Variants in USH2A observed in about 807,000 individuals in gnomAD.
The protein encoded by USH2A is Usher syndrome 2A (autosomal recessive, mild).
A neutral mutation model predicts 538.9 loss-of-function variants in USH2A; 443 were observed. The ratio of observed to expected loss-of-function variants is 0.82; its 90% confidence interval spans 0.76 to 0.89. The LOEUF (loss-of-function observed/expected upper bound fraction) is 0.89. Ranked by LOEUF, USH2A falls within the 40% of genes least tolerant of loss-of-function variation. USH2A has a pLI of 0.00. For synonymous variants in USH2A, 2,413 were observed against 2,273.5 expected, an observed-to-expected ratio of 1.06 and a Z score of -1.75; for missense variants, 6,633 against 6,324.8, an observed-to-expected ratio of 1.05 and a Z score of -1.65.
chr1:216,323,794 G>A, intron 7 of USH2A, 99 bp from the exon 8 acceptor site: 1 of 1,112,166 alleles, frequency 9.0e-7, no homozygotes, highest in Non-Finnish European at 1.4e-6. Context: ...ATCAATAAAA[G>A]CTTAAATTAT....
chr1:216,218,937 T>G (rs560225180), intron 14 of USH2A, among the ~76,000 whole-genome samples: 3 of 152,128 alleles, frequency 2.0e-5, no homozygotes, highest in African/African-American at 7.2e-5. Flanking sequence ...TTTATAGGCT[T>G]TTAATATAAT....
chr1:216,216,532 A>G (rs1301770877), intron 15 of USH2A, among the ~76,000 whole-genome samples: 1 of 152,036 alleles, frequency 6.6e-6, no homozygotes. Context: ...GACTCATGAC[A>G]GTCTCAGGAC....
chr1:215,828,363 A>G (rs1663214798), intron 47 of USH2A, among the ~76,000 whole-genome samples: 1 of 152,124 alleles, frequency 6.6e-6, no homozygotes, highest in Non-Finnish European at 1.5e-5. Context: ...GAGGCTGAGG[A>G]AGTATTGCTT....
chr1:216,275,518 C>T (rs368666615), intron 11 of USH2A, among the ~76,000 whole-genome samples: 12 of 152,168 alleles, frequency 7.9e-5, no homozygotes, highest in African/African-American at 2.6e-4. Context: ...GGAACTTACA[C>T]AGGAGAATGC....
rs75931678 is a variant in USH2A, at chr1:215,692,825, C to T, written c.12067-12449G>A. ...GGGTGCAGCAACAATGAAAAGTTCCCCATCTCCTCCCCCATGCCCCAGTTG... is the reference window on the plus strand; with the variant it reads ...GGGTGCAGCAACAATGAAAAGTTCCTCATCTCCTCCCCCATGCCCCAGTTG... On this transcript the variant is annotated intron_variant, in intron 61 of 71. Transcript: ENST00000307340. 6.7e-3 allele frequency among the ~76,000 whole-genome samples: 1,023 copies of T among 152,110 alleles called. 14 individuals are homozygous for T. Among genetic ancestry groups the T allele is most frequent in the African/African-American group, 0.021 (884 of 41,494 alleles).
At chr1:216,020,122 T>C (rs1558215519) in intron 32 of USH2A, among the ~76,000 whole-genome samples, 1 of 152,202 alleles carries the variant, frequency 6.6e-6, no homozygotes, top group Non-Finnish European at 1.5e-5. Flanking sequence ...CACTTATAAG[T>C]GTTCACACTA....
At chr1:216,108,410 T>TG (rs2032788614) in intron 21 of USH2A, among the ~76,000 whole-genome samples, 1 of 151,872 alleles carries the variant, frequency 6.6e-6, no homozygotes, top group South Asian at 2.1e-4. Flanking sequence ...TAATCTTTTT[T>TG]TTTTAGTAAT....
intron 38 of USH2A, among the ~76,000 whole-genome samples, chr1:215,914,212 CT>C (rs893862029): frequency 1.0e-4 from 15 of 150,208 alleles, no homozygotes; most frequent in South Asian, 2.1e-4. Flanking sequence ...TAGCAACAGA[CT>C]TTTTTTTTCT....
rs573240009 is a variant in USH2A at position 216,276,199 on chromosome 1, A to G, written c.1971+13081T>C. The stretch of plus-strand genomic sequence containing the variant: ...CTTTACCAGCTTTGGTAAGGACTGA[A>G]TTAATGAACTACAATGCTTGGCATA... On this transcript the variant is annotated intron_variant, in intron 11 of 71. Coordinates refer to ENST00000307340, the MANE Select transcript of USH2A (RefSeq NM_206933.4). Among the ~76,000 whole-genome samples the G allele has an allele frequency of 3.3e-5, 5 of 152,292 alleles. No homozygotes were observed. In the South Asian group the frequency reaches 8.3e-4, roughly 25 times the overall value.
intron 61 of USH2A, among the ~76,000 whole-genome samples, chr1:215,721,396 C>T (rs952563545): frequency 9.9e-5 from 15 of 152,210 alleles, no homozygotes; most frequent in African/African-American, 3.4e-4. Flanking sequence ...TTTTAAAAAA[C>T]ACTTGGAATG....
intron 21 of USH2A, among the ~76,000 whole-genome samples, chr1:216,138,147 T>C (rs2033523794): frequency 6.6e-6 from 1 of 152,168 alleles, no homozygotes; most frequent in Non-Finnish European, 1.5e-5. Flanking sequence ...TAATCTCATG[T>C]TGCTACAGAT....
chr1:215,687,651 C>G (rs534703699), intron 61 of USH2A, among the ~76,000 whole-genome samples: 1 of 151,934 alleles, frequency 6.6e-6, no homozygotes, highest in Admixed American at 6.6e-5. Flanking sequence ...ATCAGTCACA[C>G]TAAATATTAA....
chr1:215,900,076 G>A lies in USH2A; in HGVS notation c.7593C>T (p.Asp2531=), dbSNP rs1665448175. Reference sequence around the variant, plus strand: ...CTGTGTATTGTTCAGACCACTTACTGTCCTCTGCGGTCATGAATGGAATCC... The same window carrying A: ...CTGTGTATTGTTCAGACCACTTACTATCCTCTGCGGTCATGAATGGAATCC... The part of the protein sequence containing the change: ...SSWIPFMTAE[D]KPGPVVPPIL... The change falls in exon 40 of 72, where the codon GAC becomes GAT. Residue 2531 remains aspartate (D), a splice_region_variant and synonymous_variant. Coordinates refer to ENST00000307340, the MANE Select transcript of USH2A (RefSeq NM_206933.4). 4 of 1,613,622 alleles carry A rather than the reference G, an allele frequency of 2.5e-6. No homozygotes were observed. Among genetic ancestry groups the A allele is most frequent in the Non-Finnish European group, 3.4e-6 (4 of 1,179,692 alleles).
rs2102666828 is a variant in USH2A, at chr1:215,675,407, G to A, written c.12504C>T (p.Ser4168=). 6.2e-7 allele frequency: 1 copy of A among 1,614,120 alleles called. No homozygotes were observed. The highest frequency in any genetic ancestry group is 8.5e-7 in the Non-Finnish European group (1 of 1,180,014). ...CAGACCAGCTCAGCTCAACACTGGT[G>A]GACTTCACAGAGTGGACAGTAGGAG... is the stretch of plus-strand genomic sequence containing the variant. The part of the protein sequence containing the change: ...QLAPTVHSVK[S]TSVELSWSEP... Residue 4168 remains serine (S), a synonymous_variant, in exon 63 of 72, where the codon TCC becomes TCT. Transcript: ENST00000307340.
chr1:216,386,386 A>G (rs1480473403), intron 3 of USH2A, among the ~76,000 whole-genome samples: 1 of 150,958 alleles, frequency 6.6e-6, no homozygotes, highest in African/African-American at 2.4e-5. Flanking sequence ...AGTCCAAGCT[A>G]CTCGGGAGGC....
At chr1:215,633,399 G>C (rs1366708747) in intron 70 of USH2A, among the ~76,000 whole-genome samples, 3 of 152,166 alleles carry the variant, frequency 2.0e-5, no homozygotes, top group African/African-American at 7.2e-5. Flanking sequence ...GGACCTCGGA[G>C]GGCCCACTGC....
At chr1:216,163,179 T>C (rs1035502316) in intron 21 of USH2A, among the ~76,000 whole-genome samples, 1 of 151,686 alleles carries the variant, frequency 6.6e-6, no homozygotes, top group Non-Finnish European at 1.5e-5. Context: ...TTGCATACGA[T>C]ATTAAGAACA....
chr1:216,069,419 G>A (rs574667758), intron 30 of USH2A, among the ~76,000 whole-genome samples: 6 of 152,012 alleles, frequency 3.9e-5, no homozygotes, highest in Non-Finnish European at 8.8e-5. Flanking sequence ...TTTGATAGAG[G>A]AAAATGTTTT....
intron 38 of USH2A, among the ~76,000 whole-genome samples, chr1:215,912,519 A>ATATATATATGTGTATATG (rs1553275549): frequency 1.5e-5 from 1 of 67,570 alleles, no homozygotes; most frequent in South Asian, 5.1e-4. Context: ...ATACGTGTAT[A>ATATATATATGTGTATATG]TATATATATA....
Sources: allele counts gnomAD v4.1 joint callset (sites outside exome capture counted in the v4.1 genomes callset), GRCh38; gene constraint gnomAD v4.1.1; transcripts MANE v1.5; gene names NCBI Gene and HGNC (gene_info 2026-07-23, HGNC 2026-07-21).